Variants in COG5 observed in about 807,000 individuals in gnomAD.
The protein encoded by COG5 is conserved oligomeric Golgi complex subunit 5.
Under a neutral mutation model 110.4 loss-of-function variants are expected in COG5, and 86 were observed. The observed-to-expected ratio is 0.78, with a 90% CI of 0.65 to 0.93. The LOEUF (loss-of-function observed/expected upper bound fraction) is 0.93. Among genes scored for constraint, COG5 ranks in the 40% least tolerant of loss-of-function variants. The pLI is 0.00. For synonymous variants in COG5, 360 were observed against 334.6 expected (o/e 1.08, Z -0.83); for missense variants, 1,077 against 987.0 (o/e 1.09, Z -1.22).
chr7:107,237,644 T>A (rs1487786777), intron 17 of COG5, among the ~76,000 whole-genome samples: 1 of 152,222 alleles, frequency 6.6e-6, no homozygotes, highest in Non-Finnish European at 1.5e-5. Flanking sequence ...GTCCGTCACT[T>A]TCAGAAGCAG....
intron 6 of COG5, among the ~76,000 whole-genome samples, chr7:107,427,203 G>A (rs1276628566): frequency 6.6e-6 from 1 of 152,100 alleles, no homozygotes; most frequent in Non-Finnish European, 1.5e-5. Flanking sequence ...CTGAAGAGTG[G>A]AGGTCATGAG....
intron 6 of COG5, among the ~76,000 whole-genome samples, chr7:107,488,863 A>T (rs994154748): frequency 6.6e-6 from 1 of 151,978 alleles, no homozygotes; most frequent in African/African-American, 2.4e-5. Flanking sequence ...TTAATAAAAA[A>T]TTAAAAAAAA....
intron 6 of COG5, among the ~76,000 whole-genome samples, chr7:107,522,098 C>T (rs1459601141): frequency 6.6e-6 from 1 of 151,998 alleles, no homozygotes; most frequent in African/African-American, 2.4e-5. Context: ...GGGAGGGGAA[C>T]AACACACACC....
At chr7:107,349,222 G>A (rs2129040391) in intron 10 of COG5, among the ~76,000 whole-genome samples, 1 of 152,238 alleles carries the variant, frequency 6.6e-6, no homozygotes, top group Admixed American at 6.5e-5. Flanking sequence ...GGTTCCAATG[G>A]AGTTTCCATA....
intron 6 of COG5, among the ~76,000 whole-genome samples, chr7:107,491,479 C>A (rs571271713): frequency 2.0e-5 from 3 of 152,262 alleles, no homozygotes; most frequent in South Asian, 2.1e-4. Flanking sequence ...TTCCTCAAGT[C>A]TTTTCCCAGG....
chr7:107,516,064 A>G (rs1253072646), intron 6 of COG5, among the ~76,000 whole-genome samples: 1 of 151,796 alleles, frequency 6.6e-6, no homozygotes, highest in South Asian at 2.1e-4. Flanking sequence ...TCTATGTGAT[A>G]TAACTTAATC....
At position 107,415,857 on chromosome 7, in the gene COG5, CAT is replaced by C. The variant is rs1328422311; in HGVS notation, c.539-3227_539-3226del. ...GTATGTGTGTGTATATATACACACA[CAT>C]ACACGTATGTATGTATGTGTGTGTA... is the stretch of plus-strand genomic sequence containing the variant. On this transcript the variant is annotated intron_variant, in intron 6 of 21. Transcript: ENST00000297135. Among the ~76,000 whole-genome samples, 4 of 99,490 alleles carry C rather than the reference CAT, an allele frequency of 4.0e-5. 1 individual carries two copies. Among genetic ancestry groups the C allele is most frequent in the African/African-American group, 1.6e-4 (4 of 25,076 alleles). 65.3% of individuals were successfully genotyped at this position (99,490 alleles called of 152,430 possible).
intron 6 of COG5, among the ~76,000 whole-genome samples, chr7:107,462,167 C>T (rs771569308): frequency 3.3e-5 from 5 of 152,154 alleles, no homozygotes; most frequent in African/African-American, 7.2e-5. Flanking sequence ...AAAGGCAGGA[C>T]ACATGGGACG....
intron 6 of COG5, among the ~76,000 whole-genome samples, chr7:107,415,546 C>A: frequency 6.6e-6 from 1 of 150,956 alleles, no homozygotes. Flanking sequence ...GGTGGCTAGT[C>A]TACTAGAAAA....
At chr7:107,420,779 G>T (rs1324841243) in intron 6 of COG5, among the ~76,000 whole-genome samples, 1 of 152,130 alleles carries the variant, frequency 6.6e-6, no homozygotes, top group Non-Finnish European at 1.5e-5. Context: ...GTATTTTTCT[G>T]ACTAGTTCTT....
chr7:107,563,128 A>G (rs1213624984), intron 1 of COG5, among the ~76,000 whole-genome samples: 1 of 152,206 alleles, frequency 6.6e-6, no homozygotes, highest in Non-Finnish European at 1.5e-5. Context: ...ACAACTGAAT[A>G]TGCTTTTCAA....
Position 107,202,577 on chromosome 7 carries a change from T to G in COG5, c.*939A>C, listed in dbSNP as rs995160086. On this transcript the variant is annotated 3_prime_UTR_variant, in exon 22 of 22. Coordinates refer to ENST00000297135, the MANE Select transcript of COG5 (RefSeq NM_006348.5). ...TTGATTAATCTTGGCTGAATTTTAT[T>G]TATGAGTTCTCAGAATAACAGGTTC... is the stretch of plus-strand genomic sequence containing the variant. The G allele has an allele frequency of 3.6e-4, 55 of 152,658 alleles. No homozygotes were observed. Among genetic ancestry groups the G allele is most frequent in the African/African-American group, 1.3e-3 (52 of 41,544 alleles). The allele number at this position is 152,658 out of a possible 1,614,324, so 9.5% of individuals were successfully genotyped here. A position where few individuals can be genotyped will look rare whatever the true frequency, so the allele number is the denominator to read the frequency against.
intron 10 of COG5, among the ~76,000 whole-genome samples, chr7:107,354,119 A>G (rs1268748496): frequency 6.6e-6 from 1 of 152,234 alleles, no homozygotes; most frequent in Admixed American, 6.5e-5. Flanking sequence ...TTGTTATAGC[A>G]ACAAAATTAC....
At chr7:107,397,110 C>T (rs973097846) in intron 7 of COG5, among the ~76,000 whole-genome samples, 5 of 152,196 alleles carry the variant, frequency 3.3e-5, no homozygotes, top group African/African-American at 9.7e-5. Flanking sequence ...CTTTGCCAGA[C>T]ACTTGTTTTC....
intron 11 of COG5, among the ~76,000 whole-genome samples, chr7:107,315,565 CT>C (rs3839820): frequency 0.09 from 13,241 of 147,100 alleles, 1,551 homozygotes; most frequent in African/African-American, 0.27. Context: ...TCTAATAGAA[CT>C]TTTTTTTTTT....
chr7:107,428,748 C>G (rs1793817348), intron 6 of COG5, among the ~76,000 whole-genome samples: 1 of 152,050 alleles, frequency 6.6e-6, no homozygotes, highest in Non-Finnish European at 1.5e-5. Flanking sequence ...AGCTATAGAC[C>G]AAAAGAGTTA....
chr7:107,361,616 C>G (rs960591110), intron 10 of COG5, among the ~76,000 whole-genome samples: 1 of 152,182 alleles, frequency 6.6e-6, no homozygotes, highest in Non-Finnish European at 1.5e-5. Context: ...GGCTGGAGTG[C>G]AGTGGCGTGA....
At chr7:107,277,483 A>C (rs1804790128) in intron 14 of COG5, among the ~76,000 whole-genome samples, 2 of 152,198 alleles carry the variant, frequency 1.3e-5, no homozygotes, top group Admixed American at 6.5e-5. Context: ...CGAGTTGGAC[A>C]AGCTTGTTTT....
intron 6 of COG5, among the ~76,000 whole-genome samples, chr7:107,485,614 A>G (rs1473012545): frequency 6.6e-6 from 1 of 152,190 alleles, no homozygotes; most frequent in African/African-American, 2.4e-5. Flanking sequence ...GACAACAGTA[A>G]TCATAAATCC....
Sources: gnomAD v4.1 joint callset for allele counts (sites outside exome capture counted in the v4.1 genomes callset) on GRCh38, gnomAD v4.1.1 for gene constraint, MANE v1.5 for transcripts, NCBI Gene and HGNC (gene_info 2026-07-23, HGNC 2026-07-21) for gene names.